Variants in DNAJC1 observed in about 807,000 individuals in gnomAD.
DNAJC1 encodes DnaJ heat shock protein family (Hsp40) member C1.
In DNAJC1, 58 loss-of-function variants were observed where a neutral mutation model predicts 76.6. The ratio of observed to expected loss-of-function variants is 0.76; its 90% CI spans 0.61 to 0.94. The LOEUF (loss-of-function observed/expected upper bound fraction) is 0.94. Ranked by LOEUF, DNAJC1 falls within the 40% of genes least tolerant of loss-of-function variation. The probability of loss-of-function intolerance (pLI) is 0.00; values close to 1 mark genes in which losing one functional copy is unlikely to be tolerated. For missense variants in DNAJC1, 689 were observed against 677.3 expected (o/e 1.02, Z -0.19); for synonymous variants, 258 against 267.9 (o/e 0.96, Z 0.36).
chr10:22,003,666 A>G lies in DNAJC1; in HGVS notation c.-232T>C. On this transcript the variant is annotated 5_prime_UTR_variant, in exon 1 of 12. Coordinates refer to ENST00000376980, the MANE Select transcript of DNAJC1 (RefSeq NM_022365.4). ...GGGCCGCAGCCAGCGCTACGTTCCG[A>G]AGACCCTCGCCCCCAGGCCTACACA... The G allele has an allele frequency of 2.4e-6, 1 of 424,830 alleles. No individual in the cohort carries two copies. The highest frequency in any genetic ancestry group is 4.0e-6 in the Non-Finnish European group (1 of 252,664). The allele number at this position is 424,830 out of a possible 1,614,324, so 26.3% of individuals were successfully genotyped here.
chr10:21,821,067 C>T (rs1051199354), intron 8 of DNAJC1, among the ~76,000 whole-genome samples: 1 of 152,066 alleles, frequency 6.6e-6, no homozygotes, highest in African/African-American at 2.4e-5. Flanking sequence ...AGTAGGGAAA[C>T]CCAGCCAGGC....
In DNAJC1 at chr10:21,882,329, G is replaced by C; in HGVS notation, c.931C>G (p.Gln311Glu). The change falls in exon 8 of 12, where the codon CAA becomes GAA. Residue 311 changes from glutamine to glutamate, a missense_variant. Coordinates refer to ENST00000376980, the MANE Select transcript of DNAJC1 (RefSeq NM_022365.4). Reference sequence around the variant, plus strand: ...CTGTTTTCCAACCAATCATCCATTTGTTCCTCAATTTCTTCTATGGAAGTT... The same window carrying C: ...CTGTTTTCCAACCAATCATCCATTTCTTCCTCAATTTCTTCTATGGAAGTT... ...HGTSIEEIEEQMDDWLENRNR... is the reference protein window; with the variant it reads ...HGTSIEEIEEEMDDWLENRNR... The C allele has an allele frequency of 1.9e-6, 3 of 1,605,866 alleles. No individual in the cohort carries two copies. Among genetic ancestry groups the C allele is most frequent in the Non-Finnish European group, 2.5e-6 (3 of 1,177,558 alleles).
At chr10:21,843,448 C>A (rs1835604095) in intron 8 of DNAJC1, among the ~76,000 whole-genome samples, 1 of 145,626 alleles carries the variant, frequency 6.9e-6, no homozygotes, top group South Asian at 2.2e-4. Context: ...GGCTGGAGTG[C>A]AGTGGCACAA....
intron 6 of DNAJC1, among the ~76,000 whole-genome samples, chr10:21,912,113 C>T (rs1235887648): frequency 1.5e-4 from 23 of 152,108 alleles, no homozygotes; most frequent in Admixed American, 1.5e-3. Flanking sequence ...GATTACACAG[C>T]TTATACTATA....
At chr10:21,903,262 G>A (rs541958922) in intron 7 of DNAJC1, among the ~76,000 whole-genome samples, 2 of 152,192 alleles carry the variant, frequency 1.3e-5, no homozygotes, top group South Asian at 4.1e-4. Flanking sequence ...TCTTCTCCTT[G>A]TGATTAGTCT....
chr10:21,832,058 G>A (rs1050819242), intron 8 of DNAJC1, among the ~76,000 whole-genome samples: 8 of 152,006 alleles, frequency 5.3e-5, no homozygotes, highest in African/African-American at 1.9e-4. Context: ...AACAAGCAAT[G>A]ACAGAAAACG....
chr10:22,003,446 C>T lies in DNAJC1; in HGVS notation c.-12G>A, dbSNP rs945858070. On this transcript the variant is annotated 5_prime_UTR_variant, in exon 1 of 12. Transcript: ENST00000376980. Reference sequence around the variant, plus strand: ...CAAGGAGCCGTCATCGCGCTGGGCTCGGAAAGGTCACCCGCCGCGCAGCTC... The same window carrying T: ...CAAGGAGCCGTCATCGCGCTGGGCTTGGAAAGGTCACCCGCCGCGCAGCTC... The T allele has an allele frequency of 2.2e-6, 3 of 1,354,820 alleles. No homozygotes were observed. Among genetic ancestry groups the T allele is most frequent in the African/African-American group, 3.1e-5 (2 of 64,976 alleles). 83.9% of individuals were successfully genotyped at this position (1,354,820 alleles called of 1,614,324 possible).
At chr10:21,906,517 C>T (rs1271092935) in intron 6 of DNAJC1, among the ~76,000 whole-genome samples, 3 of 152,032 alleles carry the variant, frequency 2.0e-5, no homozygotes, top group Non-Finnish European at 4.4e-5. Context: ...GCATTGGCTC[C>T]TTGAGGGGAG....
intron 1 of DNAJC1, among the ~76,000 whole-genome samples, chr10:21,973,672 G>C (rs888291994): frequency 6.6e-6 from 1 of 151,764 alleles, no homozygotes; most frequent in African/African-American, 2.4e-5. Flanking sequence ...ACCTGAATGT[G>C]CATAGTTAAC....
intron 1 of DNAJC1, among the ~76,000 whole-genome samples, chr10:21,969,780 C>T (rs1837950812): frequency 6.6e-6 from 1 of 152,120 alleles, no homozygotes; most frequent in Admixed American, 6.6e-5. Context: ...CTATACAGCA[C>T]CTTATGATTG....
intron 9 of DNAJC1, among the ~76,000 whole-genome samples, chr10:21,776,575 T>C (rs975621081): frequency 9.2e-5 from 14 of 152,190 alleles, no homozygotes; most frequent in Admixed American, 3.9e-4. Flanking sequence ...ATAAACCACT[T>C]TGAAAAATTA....
chr10:21,865,226 G>C (rs1835978810), intron 8 of DNAJC1: 1 of 152,084 alleles, frequency 6.6e-6, no homozygotes, highest in Non-Finnish European at 1.5e-5. Flanking sequence ...ATTTACTCCA[G>C]AAAAATGAAA....
Position 22,003,561 on chromosome 10 carries a change from G to T in DNAJC1, c.-127C>A. The T allele has an allele frequency of 8.6e-7, 1 of 1,168,918 alleles. No homozygotes were observed. The highest frequency in any genetic ancestry group is 1.1e-6 in the Non-Finnish European group (1 of 921,044). 72.4% of individuals were successfully genotyped at this position (1,168,918 alleles called of 1,614,324 possible). ...AAGCGCGGGCAGGCGCACCGGAGCG[G>T]CCCGCCAGGTGGCTGGCCCCAGACA... is the stretch of plus-strand genomic sequence containing the variant. On this transcript the variant is annotated 5_prime_UTR_variant, in exon 1 of 12. Coordinates refer to ENST00000376980, the MANE Select transcript of DNAJC1 (RefSeq NM_022365.4).
chr10:21,874,446 A>AG (rs1836152699), intron 8 of DNAJC1, among the ~76,000 whole-genome samples: 1 of 151,972 alleles, frequency 6.6e-6, no homozygotes, highest in Non-Finnish European at 1.5e-5. Flanking sequence ...AAAAAAAAAA[A>AG]AGAGAGAGAT....
chr10:21,801,147 T>C (rs1834809219), intron 9 of DNAJC1, among the ~76,000 whole-genome samples: 2 of 152,170 alleles, frequency 1.3e-5, no homozygotes, highest in Non-Finnish European at 2.9e-5. Context: ...TTTAAATGTT[T>C]TGAAAAGCGT....
At chr10:21,766,146 T>C in intron 10 of DNAJC1, 115 bp downstream of exon 10, 1 of 818,632 alleles carries the variant, frequency 1.2e-6, no homozygotes, top group East Asian at 2.4e-5. Context: ...TGACCAGATT[T>C]AGAGTTCATT....
intron 9 of DNAJC1, among the ~76,000 whole-genome samples, chr10:21,792,736 G>T (rs1421396553): frequency 6.8e-6 from 1 of 147,646 alleles, no homozygotes; most frequent in Non-Finnish European, 1.5e-5. Flanking sequence ...TCCAGCCTGG[G>T]TGACAGAGTG....
At chr10:21,981,807 C>A (rs571852874) in intron 1 of DNAJC1, among the ~76,000 whole-genome samples, 5 of 152,340 alleles carry the variant, frequency 3.3e-5, no homozygotes, top group African/African-American at 1.2e-4. Context: ...TCTAAACCAT[C>A]TTCACAGCTA....
chr10:21,847,063 C>T (rs1835672055), intron 8 of DNAJC1, among the ~76,000 whole-genome samples: 1 of 152,028 alleles, frequency 6.6e-6, no homozygotes, highest in Non-Finnish European at 1.5e-5. Context: ...GTCCCTTCCC[C>T]TTTTCTAGCT....
Sources: allele counts gnomAD v4.1 joint callset (sites outside exome capture counted in the v4.1 genomes callset), GRCh38; gene constraint gnomAD v4.1.1; transcripts MANE v1.5; gene names NCBI Gene and HGNC (gene_info 2026-07-23, HGNC 2026-07-21).